The following PRDM10 variants were observed in gnomAD, a reference collection of about 807,000 sequenced individuals.
PRDM10 encodes the protein PR domain zinc finger protein 10.
In PRDM10, 65 loss-of-function variants were observed where a neutral mutation model predicts 133.1. That is an observed-to-expected ratio of 0.49 (90% CI 0.40 to 0.60). The LOEUF is 0.60. Ranked by LOEUF, PRDM10 falls within the 20% of genes least tolerant of loss-of-function variation. The probability of loss-of-function intolerance (pLI) is 0.00; values close to 1 mark genes in which losing one functional copy is unlikely to be tolerated. For missense variants in PRDM10, 1,137 were observed against 1,507.1 expected, an observed-to-expected ratio of 0.75 and a Z score of 4.07; for synonymous variants, 582 against 580.4, an observed-to-expected ratio of 1.00 and a Z score of -0.04.
chr11:129,918,493 A>G lies in PRDM10; in HGVS notation c.2214+46T>C. On this transcript the variant is annotated intron_variant, in intron 14 of 20. Coordinates refer to ENST00000360871, the MANE Select transcript of PRDM10 (RefSeq NM_199437.2). This position sits in a 1 kb window ranked among gnomAD's most constrained non-coding sequence, Gnocchi z 5.3. ...AACGTCACCATCATCGACAGCAATG[A>G]GGTATGCTGGGAAGACAGAGGAACC... 6.3e-7 allele frequency: 1 copy of G among 1,577,866 alleles called. No homozygotes were observed.
chr11:129,920,936 A>G (rs1464685582), intron 13 of PRDM10, among the ~76,000 whole-genome samples: 1 of 151,990 alleles, frequency 6.6e-6, no homozygotes, highest in Non-Finnish European at 1.5e-5. Flanking sequence ...TAGCTGGGAT[A>G]ACAGTCATGC....
At chr11:129,969,997 G>A (rs939693393) in intron 1 of PRDM10, among the ~76,000 whole-genome samples, 2 of 152,104 alleles carry the variant, frequency 1.3e-5, no homozygotes, top group Admixed American at 6.6e-5. Context: ...TAAAAAAGAG[G>A]AAGAAAGATA....
chr11:129,982,105 A>G (rs1345845524), intron 1 of PRDM10, among the ~76,000 whole-genome samples: 2 of 151,336 alleles, frequency 1.3e-5, no homozygotes, highest in African/African-American at 4.9e-5. Flanking sequence ...AAAAACTACA[A>G]AAATTTAGCT....
At chr11:129,976,439 C>G (rs1937760769) in intron 1 of PRDM10, among the ~76,000 whole-genome samples, 1 of 152,190 alleles carries the variant, frequency 6.6e-6, no homozygotes, top group Non-Finnish European at 1.5e-5. Flanking sequence ...TTACCGTGTG[C>G]TAGGCCCTGG....
At chr11:130,000,572 T>G (rs760316597) in intron 1 of PRDM10, among the ~76,000 whole-genome samples, 1 of 152,220 alleles carries the variant, frequency 6.6e-6, no homozygotes, top group African/African-American at 2.4e-5. Context: ...AATATATGAT[T>G]AATATGTGGT....
chr11:129,910,691 C>T (rs927442849), intron 18 of PRDM10, 35 bp from the exon 19 acceptor site: 15 of 1,467,528 alleles, frequency 1.0e-5, no homozygotes, highest in African/African-American at 1.4e-5. Context: ...TAGGGAATTA[C>T]GAGCTTCTAA....
At chr11:129,991,482 C>T (rs972776804) in intron 1 of PRDM10, among the ~76,000 whole-genome samples, 1 of 151,812 alleles carries the variant, frequency 6.6e-6, no homozygotes, top group Non-Finnish European at 1.5e-5. Context: ...TCAGGAGTTC[C>T]AGACCAGCCT....
chr11:129,947,514 TC>T lies in PRDM10; in HGVS notation c.295-145del, dbSNP rs1190715408. On this transcript the variant is annotated intron_variant, in intron 4 of 20. Transcript: ENST00000360871. This position sits in a 1 kb window ranked among gnomAD's most constrained non-coding sequence, Gnocchi z 4.6. ...CCTTCCAGGCCCTGGAAAAATGACT[TC>T]CATCTACCGGCTGTGAGGAAGAGCT... 6.6e-7 allele frequency: 1 copy of T among 1,516,290 alleles called. No homozygotes were observed. Among genetic ancestry groups the T allele is most frequent in the Non-Finnish European group, 8.8e-7 (1 of 1,134,560 alleles). 93.9% of individuals were successfully genotyped at this position (1,516,290 alleles called of 1,614,324 possible). A position where few individuals can be genotyped will look rare whatever the true frequency, so the allele number is the denominator to read the frequency against.
chr11:129,944,103 C>T (rs1951309816), intron 6 of PRDM10, among the ~76,000 whole-genome samples: 3 of 152,178 alleles, frequency 2.0e-5, no homozygotes, highest in African/African-American at 7.2e-5. Flanking sequence ...GAGAAGGTGG[C>T]TTTCTGCAAG....
In PRDM10 at chr11:129,900,874, C is replaced by A. The variant is rs146755037; in HGVS notation, c.*1439G>T. Reference sequence around the variant, plus strand: ...GCGAAATCTACACATCAATAAAGTTCTTTTAACAGAATTGTTCACTTTTCA... The same window carrying A: ...GCGAAATCTACACATCAATAAAGTTATTTTAACAGAATTGTTCACTTTTCA... On this transcript the variant is annotated 3_prime_UTR_variant, in exon 21 of 21. Coordinates refer to ENST00000360871, the MANE Select transcript of PRDM10 (RefSeq NM_199437.2). 2.6e-5 allele frequency: 4 copies of A among 152,688 alleles called. No individual in the cohort carries two copies. Among genetic ancestry groups the A allele is most frequent in the African/African-American group, 4.8e-5 (2 of 41,572 alleles). The allele number at this position is 152,688 out of a possible 1,614,324, so 9.5% of individuals were successfully genotyped here.
chr11:129,990,290 G>T (rs1433907900), intron 1 of PRDM10, among the ~76,000 whole-genome samples: 2 of 151,970 alleles, frequency 1.3e-5, no homozygotes, highest in Non-Finnish European at 2.9e-5. Context: ...AGCTTGCAGT[G>T]AGCTGAGATC....
In PRDM10 at chr11:129,923,855, A is replaced by G. The variant is rs1275103415; in HGVS notation, c.1879-452T>C. ...TCCGTCTTTAATCTGCACAGAAGCA[A>G]TTTAGCCCCTTTTGATCCTTTTACA... On this transcript the variant is annotated intron_variant, in intron 12 of 20. Coordinates refer to ENST00000360871, the MANE Select transcript of PRDM10 (RefSeq NM_199437.2). The surrounding 1 kb of genome is among the most constrained non-coding windows in gnomAD (Gnocchi z 4.4). 6.6e-6 allele frequency among the ~76,000 whole-genome samples: 1 copy of G among 152,254 alleles called. No homozygotes were observed. The highest frequency in any genetic ancestry group is 1.5e-5 in the Non-Finnish European group (1 of 68,046).
intron 17 of PRDM10, among the ~76,000 whole-genome samples, chr11:129,912,525 G>A (rs1950218310): frequency 6.6e-6 from 1 of 152,226 alleles, no homozygotes; most frequent in Admixed American, 6.5e-5. Context: ...GCCAAGGCGG[G>A]TGGATCACGA....
chr11:129,933,537 T>C (rs114226698), intron 9 of PRDM10, among the ~76,000 whole-genome samples: 5,405 of 152,242 alleles, frequency 0.036, 127 homozygotes, highest in Admixed American at 0.064. Flanking sequence ...TGAGTATTAT[T>C]ATATCTAGTC....
chr11:129,927,305 C>T (rs1294063679), intron 11 of PRDM10, among the ~76,000 whole-genome samples: 1 of 149,066 alleles, frequency 6.7e-6, no homozygotes, highest in East Asian at 2.0e-4. Flanking sequence ...TGTCTGGATA[C>T]TAATTTTACA....
At chr11:129,983,270 G>A (rs980432154) in intron 1 of PRDM10, among the ~76,000 whole-genome samples, 4 of 149,780 alleles carry the variant, frequency 2.7e-5, no homozygotes, top group Admixed American at 6.7e-5. Flanking sequence ...GAGCCACCAC[G>A]CCTGGTCTAA....
intron 11 of PRDM10, among the ~76,000 whole-genome samples, chr11:129,929,180 A>G (rs1297505462): frequency 6.6e-6 from 1 of 152,218 alleles, no homozygotes; most frequent in Non-Finnish European, 1.5e-5. Flanking sequence ...GCTGGAAGGG[A>G]CCTTGGAGAT....
intron 11 of PRDM10, among the ~76,000 whole-genome samples, chr11:129,929,668 C>T (rs993716128): frequency 2.7e-5 from 4 of 149,808 alleles, no homozygotes; most frequent in African/African-American, 9.9e-5. Context: ...CCTGCTCATT[C>T]AAAAATGCAA....
chr11:129,906,259 C>G (rs564181083), intron 19 of PRDM10, among the ~76,000 whole-genome samples: 12 of 152,142 alleles, frequency 7.9e-5, no homozygotes, highest in Non-Finnish European at 1.8e-4. Flanking sequence ...ATGGCTGATT[C>G]CAGACCTGGG....
Sources: gnomAD v4.1 joint callset for allele counts (sites outside exome capture counted in the v4.1 genomes callset) on GRCh38, gnomAD v4.1.1 for gene constraint, Gnocchi (gnomAD v3.1) non-coding constraint, MANE v1.5 for transcripts, NCBI Gene and HGNC (gene_info 2026-07-23, HGNC 2026-07-21) for gene names.